SEPTIN11: variants seen among roughly 807,000 people sequenced by gnomAD.
SEPTIN11 encodes the protein septin 11.
In SEPTIN11, 25 loss-of-function variants were observed where a neutral mutation model predicts 51.4. That is an observed-to-expected ratio of 0.49 (90% confidence interval 0.35 to 0.68). SEPTIN11 has a LOEUF of 0.68. Ranked by LOEUF, SEPTIN11 falls within the 30% of genes least tolerant of loss-of-function variation. SEPTIN11 has a pLI of 0.00. For synonymous variants in SEPTIN11, 174 were observed against 184.1 expected, an observed-to-expected ratio of 0.95 and a Z score of 0.44; for missense variants, 381 against 520.8, an observed-to-expected ratio of 0.73 and a Z score of 2.61.
chr4:76,954,745 G>C (rs541896017), intron 1 of SEPTIN11, among the ~76,000 whole-genome samples: 1 of 152,182 alleles, frequency 6.6e-6, no homozygotes, highest in Non-Finnish European at 1.5e-5. Context: ...TAGGATCGAC[G>C]CCAATGAGTG....
chr4:76,987,011 G>A (rs1723067725), intron 1 of SEPTIN11, among the ~76,000 whole-genome samples: 1 of 152,212 alleles, frequency 6.6e-6, no homozygotes, highest in Non-Finnish European at 1.5e-5. Flanking sequence ...TCTACTGGGA[G>A]TCTTCTGGAG....
intron 1 of SEPTIN11, among the ~76,000 whole-genome samples, chr4:76,979,450 G>A (rs1578136734): frequency 6.6e-6 from 1 of 151,908 alleles, no homozygotes; most frequent in African/African-American, 2.4e-5. Flanking sequence ...GTGTATGGGC[G>A]GTGGTGGACT....
intron 3 of SEPTIN11, chr4:77,009,959 A>G (rs532988646): frequency 1.3e-5 from 2 of 152,244 alleles, no homozygotes; most frequent in African/African-American, 4.8e-5. Context: ...CCATAGCAGA[A>G]CAGATAACCA....
At chr4:77,006,012 G>A (rs1724457429) in intron 3 of SEPTIN11, among the ~76,000 whole-genome samples, 1 of 152,124 alleles carries the variant, frequency 6.6e-6, no homozygotes, top group South Asian at 2.1e-4. Context: ...CCAGCTAGTA[G>A]GATCAGAAAG....
intron 5 of SEPTIN11, among the ~76,000 whole-genome samples, chr4:77,018,662 ACTTTAT>A (rs1372886788): frequency 2.0e-5 from 3 of 151,780 alleles, no homozygotes; most frequent in South Asian, 2.1e-4. Context: ...CCAAAAAGAT[ACTTTAT>A]CTTTAATCTT....
chr4:77,039,072 GCTT>G (rs1727223808), downstream of SEPTIN11: 6 of 1,288,506 alleles, frequency 4.7e-6, no homozygotes, highest in African/African-American at 3.0e-5. Context: ...CTCTTCTGTA[GCTT>G]CTTCTTTATG....
At position 77,025,921 on chromosome 4, in the gene SEPTIN11, T is replaced by A. The variant is rs778684164; in HGVS notation, c.954-2708T>A. Among the ~76,000 whole-genome samples the A allele has an allele frequency of 1.6e-3, 238 of 152,342 alleles. 3 individuals are homozygous for A. Among genetic ancestry groups the A allele is most frequent in the Non-Finnish European group, 2.4e-3 (161 of 68,024 alleles). On this transcript the variant is annotated intron_variant, in intron 7 of 9. Coordinates refer to ENST00000264893, the MANE Select transcript of SEPTIN11 (RefSeq NM_018243.4). ...TGTCAAAACTGCTTCCAGACTCATG[T>A]CTGAAGCTAATCTTGCCAATGGCAA...
At chr4:76,983,921 TG>T (rs2109918888) in intron 1 of SEPTIN11, among the ~76,000 whole-genome samples, 1 of 152,144 alleles carries the variant, frequency 6.6e-6, no homozygotes, top group South Asian at 2.1e-4. Context: ...GCAGGAGAAT[TG>T]CTTGAACCCT....
chr4:76,988,667 C>T (rs10049647), intron 1 of SEPTIN11, among the ~76,000 whole-genome samples: 1,619 of 152,292 alleles, frequency 0.011, 31 homozygotes, highest in African/African-American at 0.036. Flanking sequence ...TGAGCCATTG[C>T]GCCCAGCCCT....
chr4:76,975,746 A>T (rs1289026945), intron 1 of SEPTIN11, among the ~76,000 whole-genome samples: 24 of 152,184 alleles, frequency 1.6e-4, no homozygotes, highest in Non-Finnish European at 2.9e-4. Context: ...GGACCCAAGG[A>T]TTCTCTTACC....
intron 2 of SEPTIN11, among the ~76,000 whole-genome samples, chr4:77,004,928 A>C (rs1247861743): frequency 6.6e-6 from 1 of 152,114 alleles, no homozygotes; most frequent in Non-Finnish European, 1.5e-5. Flanking sequence ...GCGCCACTGT[A>C]CTCCAGCCTG....
intron 1 of SEPTIN11, among the ~76,000 whole-genome samples, chr4:76,961,856 C>T (rs572774029): frequency 7.1e-4 from 108 of 152,312 alleles, no homozygotes; most frequent in Non-Finnish European, 1.2e-3. Context: ...CATTTCTGCA[C>T]CTGCCAACAG....
intron 5 of SEPTIN11, among the ~76,000 whole-genome samples, chr4:77,016,657 C>CATATATATATATAT (rs1560736525): frequency 1.3e-5 from 1 of 79,218 alleles, no homozygotes; most frequent in Non-Finnish European, 2.4e-5. Flanking sequence ...TATATATATA[C>CATATATATATATAT]ACATATATAT....
chr4:77,035,573 G>T lies in SEPTIN11; in HGVS notation c.*1061G>T. ...AATAGGAAGGACCACAACATGACCC[G>T]TAAGTCAAGAAGGTAGACATTTCAT... On this transcript the variant is annotated 3_prime_UTR_variant, in exon 10 of 10. Coordinates refer to ENST00000264893, the MANE Select transcript of SEPTIN11 (RefSeq NM_018243.4). The T allele has an allele frequency of 1.0e-6, 1 of 985,378 alleles. No individual in the cohort carries two copies. The highest frequency in any genetic ancestry group is 1.7e-5 in the African/African-American group (1 of 57,338). The allele number at this position is 985,378 out of a possible 1,614,324, so 61.0% of individuals were successfully genotyped here. A position where few individuals can be genotyped will look rare whatever the true frequency, so the allele number is the denominator to read the frequency against.
At chr4:77,001,100 C>A (rs978674162) in intron 2 of SEPTIN11, among the ~76,000 whole-genome samples, 9 of 152,212 alleles carry the variant, frequency 5.9e-5, no homozygotes, top group Non-Finnish European at 8.8e-5. Flanking sequence ...GTTAAATAAG[C>A]CTGAGGATAG....
At chr4:76,958,660 A>C (rs1721667729) in intron 1 of SEPTIN11, among the ~76,000 whole-genome samples, 1 of 152,242 alleles carries the variant, frequency 6.6e-6, no homozygotes, top group Admixed American at 6.5e-5. Context: ...AAATACTCAG[A>C]ACAAACTGAC....
Position 77,028,778 on chromosome 4 carries a change from G to C in SEPTIN11, c.1086+17G>C, listed in dbSNP as rs748949191. The C allele has an allele frequency of 6.3e-7, 1 of 1,595,840 alleles. No individual in the cohort carries two copies. Among genetic ancestry groups the C allele is most frequent in the South Asian group, 1.1e-5 (1 of 87,168 alleles). ...GAGAAAGAGGTAAGCCATCTGTCCT[G>C]CTTCAAGGGAAAGATTTGTAAGAGA... On this transcript the variant is annotated intron_variant, in intron 8 of 9. Transcript: ENST00000264893.
intron 1 of SEPTIN11, among the ~76,000 whole-genome samples, chr4:76,993,516 G>A (rs1237726635): frequency 6.6e-6 from 1 of 152,114 alleles, no homozygotes; most frequent in East Asian, 1.9e-4. Context: ...TGGACTGGAG[G>A]GATGCGGTTC....
intron 1 of SEPTIN11, among the ~76,000 whole-genome samples, chr4:76,981,060 G>T (rs1397066049): frequency 6.6e-6 from 1 of 152,222 alleles, no homozygotes; most frequent in Non-Finnish European, 1.5e-5. Context: ...TTGCTGAGAA[G>T]TCTGGGCTGC....
Sources: allele counts gnomAD v4.1 joint callset (sites outside exome capture counted in the v4.1 genomes callset), GRCh38; gene constraint gnomAD v4.1.1; transcripts MANE v1.5; gene names NCBI Gene and HGNC (gene_info 2026-07-23, HGNC 2026-07-21).